Variants in TSPAN9 observed in about 807,000 individuals in gnomAD.
The protein encoded by TSPAN9 is tetraspanin-9.
A neutral mutation model predicts 31.0 loss-of-function variants in TSPAN9; 16 were observed. The ratio of observed to expected loss-of-function variants is 0.52; its 90% CI spans 0.35 to 0.78. The LOEUF (loss-of-function observed/expected upper bound fraction) is 0.78, where lower values mean the gene tolerates loss of function less well. TSPAN9 is among the 30% of genes least tolerant of loss of function. The pLI, the probability that TSPAN9 is intolerant of heterozygous loss-of-function variation, is 0.01. For missense variants in TSPAN9, 272 were observed against 312.5 expected (o/e 0.87, Z 0.98); for synonymous variants, 145 against 121.6 (o/e 1.19, Z -1.27).
Position 3,158,429 on chromosome 12 carries a change from TC to T in TSPAN9, c.-17-42746del, listed in dbSNP as rs201110165. On this transcript the variant is annotated intron_variant, in intron 2 of 8. Transcript: ENST00000011898. ...TCTTTGTGCTGCCGTCCTCCACTGT[TC>T]CTTGCATAAAGCATAGGCTTCCGTG... Among the ~76,000 whole-genome samples the T allele has an allele frequency of 1.3e-3, 194 of 152,328 alleles. 1 individual carries two copies. In the East Asian group the frequency reaches 0.029, roughly 23 times the overall value.
intron 2 of TSPAN9, among the ~76,000 whole-genome samples, chr12:3,126,951 CA>C (rs1298875954): frequency 6.6e-6 from 1 of 151,512 alleles, no homozygotes. Context: ...ATACAGGAAG[CA>C]AAAAAAATTC....
intron 3 of TSPAN9, among the ~76,000 whole-genome samples, chr12:3,269,833 G>C (rs558568317): frequency 2.6e-5 from 4 of 152,356 alleles, no homozygotes; most frequent in East Asian, 3.9e-4. Flanking sequence ...TGCATCCTCT[G>C]TCTGGGAAGA....
intron 2 of TSPAN9, among the ~76,000 whole-genome samples, chr12:3,150,259 G>T (rs2098339148): frequency 6.6e-6 from 1 of 152,180 alleles, no homozygotes; most frequent in Non-Finnish European, 1.5e-5. Flanking sequence ...ATGTGTATTT[G>T]AACAGAATAG....
At chr12:3,127,825 T>C (rs2098328050) in intron 2 of TSPAN9, among the ~76,000 whole-genome samples, 1 of 152,190 alleles carries the variant, frequency 6.6e-6, no homozygotes, top group African/African-American at 2.4e-5. Flanking sequence ...GGGGTCTTGC[T>C]ATGTTGCCCA....
At chr12:3,224,435 C>T (rs887743631) in intron 3 of TSPAN9, among the ~76,000 whole-genome samples, 1 of 152,208 alleles carries the variant, frequency 6.6e-6, no homozygotes, top group African/African-American at 2.4e-5. Flanking sequence ...CCCTTTTTCA[C>T]ACACGAGGAA....
chr12:3,239,815 T>A (rs1343797540), intron 3 of TSPAN9, among the ~76,000 whole-genome samples: 1 of 151,470 alleles, frequency 6.6e-6, no homozygotes, highest in Non-Finnish European at 1.5e-5. Context: ...GATTCCTTGA[T>A]GGGGAATAAG....
chr12:3,119,996 A>AG (rs2098324342), intron 2 of TSPAN9, among the ~76,000 whole-genome samples: 1 of 152,162 alleles, frequency 6.6e-6, no homozygotes, highest in Admixed American at 6.5e-5. Flanking sequence ...CTGTAGCGCA[A>AG]GGAGTTCGTG....
chr12:3,186,322 G>A (rs982593839), intron 2 of TSPAN9, among the ~76,000 whole-genome samples: 1 of 152,226 alleles, frequency 6.6e-6, no homozygotes, highest in Admixed American at 6.5e-5. Context: ...AAGAGAGATG[G>A]AGTGTGCTGG....
intron 3 of TSPAN9, among the ~76,000 whole-genome samples, chr12:3,233,495 A>G (rs1431290743): frequency 2.0e-5 from 3 of 152,148 alleles, no homozygotes; most frequent in Admixed American, 6.5e-5. Context: ...GATGCATTCT[A>G]TAGTTGCATG....
At chr12:3,106,091 C>G (rs899737846) in intron 2 of TSPAN9, among the ~76,000 whole-genome samples, 2 of 152,222 alleles carry the variant, frequency 1.3e-5, no homozygotes, top group South Asian at 4.1e-4. Context: ...CTTGTGCGCG[C>G]ACGCACACAC....
chr12:3,109,828 C>T (rs1334941569), intron 2 of TSPAN9, among the ~76,000 whole-genome samples: 1 of 137,410 alleles, frequency 7.3e-6, no homozygotes, highest in Non-Finnish European at 1.6e-5. Flanking sequence ...CTTTTTAGGG[C>T]ATAAAACTAC....
At chr12:3,101,112 C>T (rs959109565) in intron 2 of TSPAN9, among the ~76,000 whole-genome samples, 4 of 152,112 alleles carry the variant, frequency 2.6e-5, no homozygotes, top group African/African-American at 9.7e-5. Context: ...AACTACACTC[C>T]ATAGGAATTG....
intron 2 of TSPAN9, chr12:3,151,179 T>C (rs1348179021): frequency 6.6e-6 from 1 of 152,316 alleles, no homozygotes; most frequent in Non-Finnish European, 1.5e-5. Flanking sequence ...TGCACACGTG[T>C]GTGCATGTGT....
intron 2 of TSPAN9, among the ~76,000 whole-genome samples, chr12:3,129,391 A>G (rs938600188): frequency 6.6e-6 from 1 of 152,164 alleles, no homozygotes; most frequent in Non-Finnish European, 1.5e-5. Flanking sequence ...CATCCCCTTT[A>G]TGAAGCTGTA....
chr12:3,188,986 C>T (rs1011715603), intron 2 of TSPAN9, among the ~76,000 whole-genome samples: 8 of 152,250 alleles, frequency 5.3e-5, no homozygotes, highest in East Asian at 1.9e-4. Context: ...TATGGGGCTG[C>T]GCTGGTTGCC....
At chr12:3,156,181 TGG>T (rs1404467456) in intron 2 of TSPAN9, among the ~76,000 whole-genome samples, 1 of 152,218 alleles carries the variant, frequency 6.6e-6, no homozygotes, top group Non-Finnish European at 1.5e-5. Flanking sequence ...GTCTGGGGTC[TGG>T]GTGCACCTTT....
rs553186796 is a variant in TSPAN9 at position 3,204,274 on chromosome 12, C to T, written c.63+3018C>T. ...CCGCTGCCGCCACACCACCCCGCCC[C>T]GTGCCTCTGAGCGCTTGGGAGGATT... On this transcript the variant is annotated intron_variant, in intron 3 of 8. Coordinates refer to ENST00000011898, the MANE Select transcript of TSPAN9 (RefSeq NM_006675.5). Among the ~76,000 whole-genome samples the T allele has an allele frequency of 5.3e-5, 8 of 152,328 alleles. No individual in the cohort carries two copies. The South Asian group carries it at 8.3e-4, about 16-fold the overall frequency.
intron 3 of TSPAN9, among the ~76,000 whole-genome samples, chr12:3,273,536 A>C (rs938773898): frequency 6.6e-6 from 1 of 152,158 alleles, no homozygotes; most frequent in Admixed American, 6.5e-5. Context: ...TAGCTCAGTC[A>C]TCTCAGCTGA....
intron 2 of TSPAN9, among the ~76,000 whole-genome samples, chr12:3,194,939 G>A (rs1248727532): frequency 6.6e-6 from 1 of 152,240 alleles, no homozygotes; most frequent in African/African-American, 2.4e-5. Context: ...GCTCGGCAAC[G>A]AAAGCATTTT....
Sources: gnomAD v4.1 joint callset for allele counts (sites outside exome capture counted in the v4.1 genomes callset) on GRCh38, gnomAD v4.1.1 for gene constraint, MANE v1.5 for transcripts, NCBI Gene and HGNC (gene_info 2026-07-23, HGNC 2026-07-21) for gene names.